Variants in CNTLN observed in about 807,000 individuals in gnomAD.
The protein encoded by CNTLN is centlein.
CNTLN carries 212 observed loss-of-function variants against 180.0 expected under a neutral mutation model. The ratio of observed to expected loss-of-function variants is 1.18; its 90% confidence interval spans 1.05 to 1.32. CNTLN has a LOEUF of 1.32. CNTLN is among the 40% of genes most tolerant of loss of function. The probability of loss-of-function intolerance (pLI) is 0.00; values close to 1 mark genes in which losing one functional copy is unlikely to be tolerated. For missense variants in CNTLN, 2,095 were observed against 1,610.9 expected, an observed-to-expected ratio of 1.30 and a Z score of -5.14; for synonymous variants, 722 against 563.1, an observed-to-expected ratio of 1.28 and a Z score of -3.99.
chr9:17,248,721 A>G (rs1412497841), intron 5 of CNTLN, among the ~76,000 whole-genome samples: 3 of 151,234 alleles, frequency 2.0e-5, no homozygotes, highest in Non-Finnish European at 2.9e-5. Flanking sequence ...TACTTACTCT[A>G]ACTATCTAAT....
At chr9:17,430,063 A>G (rs183620267) in intron 18 of CNTLN, among the ~76,000 whole-genome samples, 2 of 152,122 alleles carry the variant, frequency 1.3e-5, no homozygotes, top group African/African-American at 4.8e-5. Flanking sequence ...TTGATTGTTC[A>G]TCTGTCTGAA....
At chr9:17,301,063 A>G (rs1818309803) in intron 7 of CNTLN, 1 of 985,272 alleles carries the variant, frequency 1.0e-6, no homozygotes, top group African/African-American at 1.7e-5. Flanking sequence ...CTGTTCCAAG[A>G]CTAAGGATAA....
At chr9:17,270,584 G>A (rs935190670) in intron 5 of CNTLN, among the ~76,000 whole-genome samples, 4 of 151,944 alleles carry the variant, frequency 2.6e-5, no homozygotes, top group Non-Finnish European at 5.9e-5. Flanking sequence ...CCTTTCTAAC[G>A]TGGATAACAG....
At chr9:17,359,725 C>CAAAAAAAAAAAAAAAAAACCGAAA (rs1344925686) in intron 12 of CNTLN, among the ~76,000 whole-genome samples, 1 of 21,334 alleles carries the variant, frequency 4.7e-5, no homozygotes, top group Non-Finnish European at 9.9e-5. Context: ...ACTAAAAATA[C>CAAAAAAAAAAAAAAAAAACCGAAA]AAAAAAAAAA....
chr9:17,419,293 G>A (rs186188476), intron 18 of CNTLN, among the ~76,000 whole-genome samples: 25 of 152,152 alleles, frequency 1.6e-4, no homozygotes, highest in Non-Finnish European at 3.2e-4. Context: ...TTTGAAATGC[G>A]CTATAGCCCT....
At chr9:17,140,126 G>A (rs777883713) in intron 1 of CNTLN, among the ~76,000 whole-genome samples, 5 of 152,068 alleles carry the variant, frequency 3.3e-5, no homozygotes, top group African/African-American at 4.8e-5. Flanking sequence ...AACTAGTTCT[G>A]TGTTTTTTCG....
intron 7 of CNTLN, among the ~76,000 whole-genome samples, chr9:17,304,162 AG>A (rs1327891720): frequency 1.3e-5 from 2 of 152,178 alleles, no homozygotes; most frequent in Non-Finnish European, 2.9e-5. Flanking sequence ...AACTGAAAAA[AG>A]TTTTGAGCAC....
At position 17,484,482 on chromosome 9, in the gene CNTLN, T is replaced by C. The variant is rs769402751; in HGVS notation, c.4041+2T>C. On this transcript the variant is annotated splice_donor_variant, in intron 24 of 25. Transcript: ENST00000380647. LOFTEE classifies it high-confidence loss of function. Reference sequence around the variant, plus strand: ...ATATTAGACACAGAAGATCAAGTGGTAAGATCATTTAAATATTTATTATTA... The same window carrying C: ...ATATTAGACACAGAAGATCAAGTGGCAAGATCATTTAAATATTTATTATTA... 1 of 1,579,024 alleles carries C rather than the reference T, an allele frequency of 6.3e-7. No individual in the cohort carries two copies. Among genetic ancestry groups the C allele is most frequent in the Admixed American group, 2.0e-5 (1 of 49,652 alleles).
At chr9:17,227,502 C>A (rs1485410907) in intron 3 of CNTLN, among the ~76,000 whole-genome samples, 1 of 151,956 alleles carries the variant, frequency 6.6e-6, no homozygotes, top group African/African-American at 2.4e-5. Flanking sequence ...TATACTCAAG[C>A]TCATTACGGA....
chr9:17,493,101 A>C (rs2134370685), intron 25 of CNTLN, among the ~76,000 whole-genome samples: 1 of 146,134 alleles, frequency 6.8e-6, no homozygotes, highest in East Asian at 2.0e-4. Flanking sequence ...TTACTGTTTA[A>C]TATACGTGGA....
rs537406733 is a variant in CNTLN at position 17,304,845 on chromosome 9, A to G, written c.1147-4213A>G. On this transcript the variant is annotated intron_variant, in intron 7 of 25. Transcript: ENST00000380647. The stretch of plus-strand genomic sequence containing the variant: ...CCGGAGATGGTTTAAAGTATACAGG[A>G]GGATGTACATAGGTTATAAGCAAAT... 2.0e-5 allele frequency among the ~76,000 whole-genome samples: 3 copies of G among 152,238 alleles called. No homozygotes were observed. In the East Asian group the frequency reaches 5.8e-4, roughly 29 times the overall value.
rs576278999 is a variant in CNTLN at position 17,322,767 on chromosome 9, A to G, written c.1342-7865A>G. 2.7e-4 allele frequency among the ~76,000 whole-genome samples: 41 copies of G among 152,304 alleles called. 1 individual carries two copies. Among genetic ancestry groups the G allele is most frequent in the African/African-American group, 9.6e-4 (40 of 41,558 alleles). On this transcript the variant is annotated intron_variant, in intron 8 of 25. Coordinates refer to ENST00000380647, the MANE Select transcript of CNTLN (RefSeq NM_017738.4). ...AAAAATTTCTCATGGAGTAAAGAGT[A>G]TTTTTTGTTAGAATACAGCTGCTAG...
At position 17,502,442 on chromosome 9, in the gene CNTLN, G is replaced by A. The variant is rs1588126087; in HGVS notation, c.4120-109G>A. ...AGAGATCCAGTAGGGTACCATTATG[G>A]CTGCAAAGTTGCAGACATCTAACTT... On this transcript the variant is annotated intron_variant, in intron 25 of 25. Transcript: ENST00000380647. 7.3e-6 allele frequency: 4 copies of A among 546,274 alleles called. No individual in the cohort carries two copies. In the East Asian group the frequency reaches 1.4e-4, roughly 20 times the overall value. 33.8% of individuals were successfully genotyped at this position (546,274 alleles called of 1,614,324 possible).
At chr9:17,214,257 C>A (rs1272283354) in intron 2 of CNTLN, among the ~76,000 whole-genome samples, 1 of 152,150 alleles carries the variant, frequency 6.6e-6, no homozygotes, top group Non-Finnish European at 1.5e-5. Context: ...CTGGTGGTGA[C>A]AAAATCTCTC....
chr9:17,361,744 A>G lies in CNTLN; in HGVS notation c.1887-4873A>G, dbSNP rs1397798141. Among the ~76,000 whole-genome samples the G allele has an allele frequency of 2.0e-5, 3 of 152,230 alleles. No individual in the cohort carries two copies. In the South Asian group the frequency reaches 6.2e-4, roughly 32 times the overall value. ...CCCTGTCTGGAAAGTGCTTTCAGGCAGAAATCGAGCCATCATTAAGGGCTC... is the reference window on the plus strand; with the variant it reads ...CCCTGTCTGGAAAGTGCTTTCAGGCGGAAATCGAGCCATCATTAAGGGCTC... On this transcript the variant is annotated intron_variant, in intron 12 of 25. Coordinates refer to ENST00000380647, the MANE Select transcript of CNTLN (RefSeq NM_017738.4).
At chr9:17,444,282 G>A (rs780040651) in intron 18 of CNTLN, 5 of 152,264 alleles carry the variant, frequency 3.3e-5, no homozygotes, top group African/African-American at 1.2e-4. Flanking sequence ...CCTCAGAGAA[G>A]GAAAGAACTT....
chr9:17,160,619 T>C (rs1034574163), intron 2 of CNTLN, among the ~76,000 whole-genome samples: 1 of 152,320 alleles, frequency 6.6e-6, no homozygotes, highest in Middle Eastern at 3.4e-3. Flanking sequence ...CTGAACATCT[T>C]ATTGATTTCT....
Position 17,293,801 on chromosome 9 carries a change from C to T in CNTLN, c.984-4389C>T, listed in dbSNP as rs563065945. Among the ~76,000 whole-genome samples, 24 of 152,240 alleles carry T rather than the reference C, an allele frequency of 1.6e-4. 1 individual carries two copies. In the South Asian group the frequency reaches 4.8e-3, roughly 30 times the overall value. ...CACCAGCCCATTGGCTGCTGAGAGG[C>T]CACCAAGAGGCTGCCGAGAATCTGG... On this transcript the variant is annotated intron_variant, in intron 6 of 25. Coordinates refer to ENST00000380647, the MANE Select transcript of CNTLN (RefSeq NM_017738.4).
rs566284789 is a variant in CNTLN, at chr9:17,424,122, A to G, written c.3114+7933A>G. ...CTGCTTCCCTCCCTCAATCTCATTT[A>G]TTATTAAACTTAATTCGTTAGAATA... On this transcript the variant is annotated intron_variant, in intron 18 of 25. Transcript: ENST00000380647. Among the ~76,000 whole-genome samples the G allele has an allele frequency of 3.3e-5, 5 of 152,304 alleles. No homozygotes were observed. In the South Asian group the frequency reaches 1.0e-3, roughly 32 times the overall value.
Sources: gnomAD v4.1 joint callset for allele counts (sites outside exome capture counted in the v4.1 genomes callset) on GRCh38, gnomAD v4.1.1 for gene constraint, MANE v1.5 for transcripts, NCBI Gene and HGNC (gene_info 2026-07-23, HGNC 2026-07-21) for gene names.